CMTM6: variants seen among roughly 807,000 people sequenced by gnomAD.
CMTM6 encodes the protein CKLF-like MARVEL transmembrane domain-containing protein 6.
Under a neutral mutation model 13.6 loss-of-function variants are expected in CMTM6, and 5 were observed. The ratio of observed to expected loss-of-function variants is 0.37; its 90% CI spans 0.19 to 0.77. The LOEUF is 0.77. CMTM6 is among the 30% of genes least tolerant of loss of function. The pLI, the probability that CMTM6 is intolerant of heterozygous loss-of-function variation, is 0.50. For missense variants in CMTM6, 196 were observed against 218.6 expected (o/e 0.90, Z 0.65); for synonymous variants, 99 against 84.5 (o/e 1.17, Z -0.94).
Position 32,502,841 on chromosome 3 carries a change from C to T in CMTM6, c.-96G>A, listed in dbSNP as rs1697360657. On this transcript the variant is annotated 5_prime_UTR_variant, in exon 1 of 4. Transcript: ENST00000205636. The stretch of plus-strand genomic sequence containing the variant: ...GTAGCCGGGAGGCGGCCGTCACTTC[C>T]TGGGCCTTCTCCCCGGCTTCCGCCT... The T allele has an allele frequency of 1.5e-6, 2 of 1,328,370 alleles. No homozygotes were observed. The highest frequency in any genetic ancestry group is 3.1e-5 in the African/African-American group (2 of 64,666). 82.3% of individuals were successfully genotyped at this position (1,328,370 alleles called of 1,614,324 possible). A position where few individuals can be genotyped will look rare whatever the true frequency, so the allele number is the denominator to read the frequency against.
In CMTM6 at chr3:32,502,762, G is replaced by A. The variant is rs1480439914; in HGVS notation, c.-17C>T. 4 of 1,415,170 alleles carry A rather than the reference G, an allele frequency of 2.8e-6. No individual in the cohort carries two copies. The highest frequency in any genetic ancestry group is 3.7e-6 in the Non-Finnish European group (4 of 1,084,422). 87.7% of individuals were successfully genotyped at this position (1,415,170 alleles called of 1,614,324 possible). A position where few individuals can be genotyped will look rare whatever the true frequency, so the allele number is the denominator to read the frequency against. On this transcript the variant is annotated 5_prime_UTR_variant, in exon 1 of 4. Coordinates refer to ENST00000205636, the MANE Select transcript of CMTM6 (RefSeq NM_017801.3). The stretch of plus-strand genomic sequence containing the variant: ...GTTCTCCATCGCCTCGGGCCGGGGA[G>A]CGCGGCGGCCGCAGCAACCGCGCCG...
At chr3:32,497,263 T>C (rs1697301952) in intron 1 of CMTM6, among the ~76,000 whole-genome samples, 1 of 150,478 alleles carries the variant, frequency 6.6e-6, no homozygotes, top group Non-Finnish European at 1.5e-5. Flanking sequence ...CGGGCGCCTG[T>C]AGTCCCAGCT....
rs762312024 is a variant in CMTM6, at chr3:32,491,702, A to G, written c.315+8T>C. On this transcript the variant is annotated splice_region_variant and intron_variant, in intron 2 of 3. Coordinates refer to ENST00000205636, the MANE Select transcript of CMTM6 (RefSeq NM_017801.3). ...ATTAATACAGGGATGATATTTTCTCATGCTTACCGATGATTTTACTTTTGT... is the reference window on the plus strand; with the variant it reads ...ATTAATACAGGGATGATATTTTCTCGTGCTTACCGATGATTTTACTTTTGT... The G allele has an allele frequency of 1.1e-5, 17 of 1,584,440 alleles. No homozygotes were observed. The highest frequency in any genetic ancestry group is 3.4e-4 in the Middle Eastern group (2 of 5,896).
intron 1 of CMTM6, among the ~76,000 whole-genome samples, chr3:32,492,748 T>C (rs769056331): frequency 6.6e-6 from 1 of 152,200 alleles, no homozygotes; most frequent in South Asian, 2.1e-4. Context: ...ACAAATAATA[T>C]GGAACACAAG....
intron 1 of CMTM6, among the ~76,000 whole-genome samples, chr3:32,502,140 G>GTATC (rs1697350224): frequency 6.6e-6 from 1 of 152,204 alleles, no homozygotes; most frequent in Non-Finnish European, 1.5e-5. Context: ...GCCACGCGTG[G>GTATC]TATCGCAGGA....
chr3:32,487,373 T>C (rs894659735), intron 3 of CMTM6, among the ~76,000 whole-genome samples: 2 of 151,974 alleles, frequency 1.3e-5, no homozygotes, highest in South Asian at 2.1e-4. Flanking sequence ...TTTCTTCTTA[T>C]AGAGATGAGG....
At chr3:32,500,932 C>G (rs913063355) in intron 1 of CMTM6, among the ~76,000 whole-genome samples, 8 of 151,732 alleles carry the variant, frequency 5.3e-5, no homozygotes, top group African/African-American at 1.9e-4. Flanking sequence ...CAGTGGCTTA[C>G]GCCTGTAATC....
chr3:32,481,781 A>T lies in CMTM6; in HGVS notation c.*2179T>A, dbSNP rs1055907763. ...AGGAAGGTTCTAAGAGTGACCAAATATACCAGTGAACATACTATCTTTCTG... is the reference window on the plus strand; with the variant it reads ...AGGAAGGTTCTAAGAGTGACCAAATTTACCAGTGAACATACTATCTTTCTG... On this transcript the variant is annotated 3_prime_UTR_variant, in exon 4 of 4. Transcript: ENST00000205636. 5 of 152,262 alleles carry T rather than the reference A, an allele frequency of 3.3e-5. No individual in the cohort carries two copies. Among genetic ancestry groups the T allele is most frequent in the African/African-American group, 1.2e-4 (5 of 41,480 alleles). 9.4% of individuals were successfully genotyped at this position (152,262 alleles called of 1,614,324 possible).
Position 32,481,922 on chromosome 3 carries a change from AC to A in CMTM6, c.*2037del, listed in dbSNP as rs1351866015. The A allele has an allele frequency of 4.6e-5, 7 of 152,290 alleles. No individual in the cohort carries two copies. The highest frequency in any genetic ancestry group is 8.8e-5 in the Non-Finnish European group (6 of 68,052). 9.4% of individuals were successfully genotyped at this position (152,290 alleles called of 1,614,324 possible). On this transcript the variant is annotated 3_prime_UTR_variant, in exon 4 of 4. Coordinates refer to ENST00000205636, the MANE Select transcript of CMTM6 (RefSeq NM_017801.3). ...GCTCAATGACAGTATGTTTTATATG[AC>A]AGGCCAGCTGAGAATGTATCTGTCA...
rs1697252642 is a variant in CMTM6 at position 32,491,842 on chromosome 3, T to C, written c.183A>G (p.Gln61=). The change falls in exon 2 of 4, where the codon CAA becomes CAG. Residue 61 remains glutamine, a synonymous_variant. Coordinates refer to ENST00000205636, the MANE Select transcript of CMTM6 (RefSeq NM_017801.3). ...AATAAAGTCCTCCACATAAAGTACA[T>C]TGTGATACAACTTCTTCACAGATGA... is the stretch of plus-strand genomic sequence containing the variant. The part of the protein sequence containing the change: ...LAFICEEVVS[Q]CTLCGGLYFF... 1.9e-6 allele frequency: 3 copies of C among 1,613,058 alleles called. No homozygotes were observed. The highest frequency in any genetic ancestry group is 2.5e-6 in the Non-Finnish European group (3 of 1,179,688).
rs1296497917 is a variant in CMTM6, at chr3:32,482,866, C to G, written c.*1094G>C. On this transcript the variant is annotated 3_prime_UTR_variant, in exon 4 of 4. Transcript: ENST00000205636. The stretch of plus-strand genomic sequence containing the variant: ...GACAACTGACAAAAAGTGTCAGAGC[C>G]AGAGGCCAACCTCTGCTAGATGAAG... 6.6e-6 allele frequency: 1 copy of G among 151,966 alleles called. No individual in the cohort carries two copies. The highest frequency in any genetic ancestry group is 2.4e-5 in the African/African-American group (1 of 41,328). The allele number at this position is 151,966 out of a possible 1,614,324, so 9.4% of individuals were successfully genotyped here. A position where few individuals can be genotyped will look rare whatever the true frequency, so the allele number is the denominator to read the frequency against.
At chr3:32,492,400 G>A (rs1290530960) in intron 1 of CMTM6, among the ~76,000 whole-genome samples, 1 of 152,208 alleles carries the variant, frequency 6.6e-6, no homozygotes, top group Non-Finnish European at 1.5e-5. Flanking sequence ...TAGAGTTTAA[G>A]GGAAGAGAAT....
intron 1 of CMTM6, among the ~76,000 whole-genome samples, chr3:32,495,366 T>G (rs1406623266): frequency 1.3e-5 from 2 of 152,206 alleles, no homozygotes; most frequent in Non-Finnish European, 2.9e-5. Flanking sequence ...AGGGCCACTG[T>G]GTAAAGATAC....
intron 1 of CMTM6, among the ~76,000 whole-genome samples, chr3:32,501,068 T>C (rs961419815): frequency 1.4e-5 from 2 of 144,132 alleles, no homozygotes; most frequent in Non-Finnish European, 3.0e-5. Flanking sequence ...GGCATGGAGG[T>C]GCGTGCCTGT....
In CMTM6 at chr3:32,481,363, A is replaced by C. The variant is rs1294660185; in HGVS notation, c.*2597T>G. 1 of 119,480 alleles carries C rather than the reference A, an allele frequency of 8.4e-6. No individual in the cohort carries two copies. The highest frequency in any genetic ancestry group is 3.6e-5 in the African/African-American group (1 of 28,020). 7.4% of individuals were successfully genotyped at this position (119,480 alleles called of 1,614,324 possible). On this transcript the variant is annotated 3_prime_UTR_variant, in exon 4 of 4. Transcript: ENST00000205636. ...AAAAAGACTATAAAATCTGACATCA[A>C]GAGAGATAAAAAAAAAAGACCCATA...
chr3:32,491,705 C>A lies in CMTM6; in HGVS notation c.315+5G>T. The A allele has an allele frequency of 6.3e-7, 1 of 1,585,348 alleles. No homozygotes were observed. ...AATACAGGGATGATATTTTCTCATG[C>A]TTACCGATGATTTTACTTTTGTGGT... On this transcript the variant is annotated splice_donor_5th_base_variant and intron_variant, in intron 2 of 3. Coordinates refer to ENST00000205636, the MANE Select transcript of CMTM6 (RefSeq NM_017801.3).
At chr3:32,489,533 C>T (rs12496626) in intron 2 of CMTM6, among the ~76,000 whole-genome samples, 3,136 of 151,848 alleles carry the variant, frequency 0.021, 47 homozygotes, top group South Asian at 0.042. Flanking sequence ...CACCTGTAAT[C>T]CCAGCTACTT....
At chr3:32,502,362 G>C (rs1177947421) in intron 1 of CMTM6, among the ~76,000 whole-genome samples, 1 of 152,238 alleles carries the variant, frequency 6.6e-6, no homozygotes, top group East Asian at 1.9e-4. Context: ...TCCTGAGCCC[G>C]CCTAACAGGC....
intron 3 of CMTM6, among the ~76,000 whole-genome samples, chr3:32,485,391 T>C (rs1697194124): frequency 6.6e-6 from 1 of 152,140 alleles, no homozygotes; most frequent in African/African-American, 2.4e-5. Flanking sequence ...GACAGTCTAA[T>C]TAAAATATAA....
Sources: allele counts gnomAD v4.1 joint callset (sites outside exome capture counted in the v4.1 genomes callset), GRCh38; gene constraint gnomAD v4.1.1; transcripts MANE v1.5; gene names NCBI Gene and HGNC (gene_info 2026-07-23, HGNC 2026-07-21).